ANKRD33B: variants seen among roughly 807,000 people sequenced by gnomAD.
The protein encoded by ANKRD33B is ankyrin repeat domain 33B.
Under a neutral mutation model 21.5 loss-of-function variants are expected in ANKRD33B, and 6 were observed. The observed-to-expected ratio is 0.28, with a 90% CI of 0.15 to 0.55. The LOEUF is 0.55. ANKRD33B is among the 20% of genes least tolerant of loss of function. The pLI is 0.94. For synonymous variants in ANKRD33B, 347 were observed against 342.4 expected (o/e 1.01, Z -0.15); for missense variants, 698 against 747.2 (o/e 0.93, Z 0.77).
In ANKRD33B at chr5:10,595,438, C is replaced by G. The variant is rs1175420924; in HGVS notation, c.367-22895C>G. On this transcript the variant is annotated intron_variant, in intron 1 of 3. Transcript: ENST00000296657. ...AGCATCGCTCCAATCTCTCTCTGTC[C>G]TCATCTGTCCTCTGCACATCTGTGT... Among the ~76,000 whole-genome samples, 3 of 152,158 alleles carry G rather than the reference C, an allele frequency of 2.0e-5. No individual in the cohort carries two copies. In the East Asian group the frequency reaches 5.8e-4, roughly 29 times the overall value.
chr5:10,608,310 A>G (rs1736094858), intron 1 of ANKRD33B, among the ~76,000 whole-genome samples: 1 of 150,364 alleles, frequency 6.7e-6, no homozygotes, highest in Admixed American at 6.7e-5. Flanking sequence ...GTGAGCCAAG[A>G]TTGTGCCACT....
In ANKRD33B at chr5:10,592,991, A is replaced by G. The variant is rs1312352129; in HGVS notation, c.367-25342A>G. On this transcript the variant is annotated intron_variant, in intron 1 of 3. Transcript: ENST00000296657. ...TCCTTCTCCATCAATTCTAGCTGGTATTTCCTGACTTCTCCTCTGTTAGGT... is the reference window on the plus strand; with the variant it reads ...TCCTTCTCCATCAATTCTAGCTGGTGTTTCCTGACTTCTCCTCTGTTAGGT... Among the ~76,000 whole-genome samples, 5 of 152,062 alleles carry G rather than the reference A, an allele frequency of 3.3e-5. No homozygotes were observed. The East Asian group carries it at 9.6e-4, about 29-fold the overall frequency.
At chr5:10,564,914 G>T in intron 1 of ANKRD33B, 81 bp downstream of exon 1, 1 of 1,426,218 alleles carries the variant, frequency 7.0e-7, no homozygotes, top group Non-Finnish European at 9.2e-7. Flanking sequence ...GCGCCTCCCA[G>T]CTCCTGGCTC....
intron 1 of ANKRD33B, among the ~76,000 whole-genome samples, chr5:10,588,183 G>T (rs1322350076): frequency 6.6e-6 from 1 of 152,230 alleles, no homozygotes; most frequent in African/African-American, 2.4e-5. Context: ...ATAAAAAAGT[G>T]ACTGCGAATT....
intron 3 of ANKRD33B, among the ~76,000 whole-genome samples, chr5:10,645,289 G>T (rs1352035005): frequency 6.6e-6 from 1 of 152,198 alleles, no homozygotes; most frequent in Non-Finnish European, 1.5e-5. Context: ...CCTGAGCTAG[G>T]GTTTGTAGAG....
Position 10,564,718 on chromosome 5 carries a change from C to G in ANKRD33B, c.251C>G (p.Pro84Arg). The G allele has an allele frequency of 6.5e-7, 1 of 1,533,564 alleles. No homozygotes were observed. The highest frequency in any genetic ancestry group is 8.7e-7 in the Non-Finnish European group (1 of 1,145,842). 95.0% of individuals were successfully genotyped at this position (1,533,564 alleles called of 1,614,324 possible). A position where few individuals can be genotyped will look rare whatever the true frequency, so the allele number is the denominator to read the frequency against. ...SVPEGVPESV[P>R]ETATLLRAAC... ...CCGGAGGGCGTCCCGGAAAGCGTCC[C>G]GGAGACGGCGACCCTCCTGCGCGCC... Residue 84 changes from proline to arginine, a missense_variant, in exon 1 of 4, where the codon CCG becomes CGG. Coordinates refer to ENST00000296657, the MANE Select transcript of ANKRD33B (RefSeq NM_001164440.2).
intron 2 of ANKRD33B, among the ~76,000 whole-genome samples, chr5:10,621,241 T>A (rs889846708): frequency 3.3e-4 from 50 of 152,240 alleles, no homozygotes; most frequent in Non-Finnish European, 3.4e-4. Context: ...ACCAGCTGTA[T>A]CTTCAAGGAA....
intron 3 of ANKRD33B, among the ~76,000 whole-genome samples, chr5:10,641,908 C>T (rs1236926874): frequency 6.6e-6 from 1 of 152,160 alleles, no homozygotes; most frequent in Non-Finnish European, 1.5e-5. Context: ...AGAGTTTCGG[C>T]CCTGCCTGCC....
intron 2 of ANKRD33B, among the ~76,000 whole-genome samples, chr5:10,635,211 T>C (rs1253159471): frequency 6.6e-6 from 1 of 152,216 alleles, no homozygotes; most frequent in African/African-American, 2.4e-5. Context: ...ACGGACACGC[T>C]ATTTCACAGT....
intron 1 of ANKRD33B, among the ~76,000 whole-genome samples, chr5:10,571,991 C>T (rs1163799331): frequency 6.6e-6 from 1 of 151,642 alleles, no homozygotes; most frequent in Non-Finnish European, 1.5e-5. Flanking sequence ...CAGGTTCAAG[C>T]AATTCTCCTG....
intron 1 of ANKRD33B, among the ~76,000 whole-genome samples, chr5:10,598,486 C>T (rs1431537154): frequency 1.3e-5 from 2 of 152,162 alleles, no homozygotes; most frequent in Non-Finnish European, 2.9e-5. Context: ...AGCCTGGTCT[C>T]GAACACCTGA....
intron 1 of ANKRD33B, among the ~76,000 whole-genome samples, chr5:10,596,797 G>A (rs1341432784): frequency 1.3e-5 from 2 of 152,138 alleles, no homozygotes; most frequent in African/African-American, 2.4e-5. Context: ...CAGCCAGAGA[G>A]AAAGGCCAGG....
At chr5:10,568,360 T>C (rs1735104132) in intron 1 of ANKRD33B, among the ~76,000 whole-genome samples, 1 of 152,272 alleles carries the variant, frequency 6.6e-6, no homozygotes, top group Non-Finnish European at 1.5e-5. Context: ...CACCTGAAGT[T>C]CACCTTTATG....
intron 1 of ANKRD33B, among the ~76,000 whole-genome samples, chr5:10,608,477 G>C (rs1274156598): frequency 6.6e-6 from 1 of 152,104 alleles, no homozygotes; most frequent in African/African-American, 2.4e-5. Context: ...GAGGTAGATT[G>C]TTAGACCAAT....
In ANKRD33B at chr5:10,638,188, G is replaced by C. The variant is rs757667485; in HGVS notation, c.637+20G>C. The stretch of plus-strand genomic sequence containing the variant: ...TAGCAGGTATGTCCACCTGTCCTGT[G>C]CAGCTTCCAGGGGCCCTGGGACACC... On this transcript the variant is annotated intron_variant, in intron 3 of 3. Transcript: ENST00000296657. The C allele has an allele frequency of 1.3e-6, 2 of 1,535,886 alleles. No individual in the cohort carries two copies. Among genetic ancestry groups the C allele is most frequent in the Non-Finnish European group, 1.7e-6 (2 of 1,145,906 alleles).
At chr5:10,595,040 A>G (rs1735789048) in intron 1 of ANKRD33B, among the ~76,000 whole-genome samples, 1 of 152,136 alleles carries the variant, frequency 6.6e-6, no homozygotes, top group Non-Finnish European at 1.5e-5. Context: ...GCAGGAGCAG[A>G]TGTTGTTAAG....
Position 10,649,270 on chromosome 5 carries a change from G to A in ANKRD33B, c.642G>A (p.Ala214=), listed in dbSNP as rs976273133. The change falls in exon 4 of 4, where the codon GCG becomes GCA. Residue 214 remains alanine (A), a synonymous_variant. Coordinates refer to ENST00000296657, the MANE Select transcript of ANKRD33B (RefSeq NM_001164440.2). Reference sequence around the variant, plus strand: ...TTTGTGTTTTGCGTTTTGCAGGGGCGGATGTCCACGCGAGGGACCCCCGCC... The same window carrying A: ...TTTGTGTTTTGCGTTTTGCAGGGGCAGATGTCCACGCGAGGGACCCCCGCC... The part of the protein sequence containing the change: ...DCIRALMLAG[A]DVHARDPRRG... 52 of 1,520,724 alleles carry A rather than the reference G, an allele frequency of 3.4e-5. No homozygotes were observed. The highest frequency in any genetic ancestry group is 6.9e-5 in the African/African-American group (5 of 72,694). 94.2% of individuals were successfully genotyped at this position (1,520,724 alleles called of 1,614,324 possible). A position where few individuals can be genotyped will look rare whatever the true frequency, so the allele number is the denominator to read the frequency against.
intron 1 of ANKRD33B, among the ~76,000 whole-genome samples, chr5:10,582,151 G>C (rs987238578): frequency 1.3e-5 from 2 of 152,158 alleles, no homozygotes; most frequent in African/African-American, 2.4e-5. Context: ...CAGCTTCCTG[G>C]GTATACAGCC....
At chr5:10,593,119 T>G (rs1446604791) in intron 1 of ANKRD33B, among the ~76,000 whole-genome samples, 1 of 152,186 alleles carries the variant, frequency 6.6e-6, no homozygotes, top group African/African-American at 2.4e-5. Flanking sequence ...GGATCTTAAT[T>G]ATGCTTATTA....
Sources: gnomAD v4.1 joint callset for allele counts (sites outside exome capture counted in the v4.1 genomes callset) on GRCh38, gnomAD v4.1.1 for gene constraint, MANE v1.5 for transcripts, NCBI Gene and HGNC (gene_info 2026-07-23, HGNC 2026-07-21) for gene names.